ALK: variants seen among roughly 807,000 people sequenced by gnomAD.
The protein encoded by ALK is ALK tyrosine kinase receptor.
ALK carries 74 observed loss-of-function variants against 163.1 expected under a neutral mutation model. The ratio of observed to expected loss-of-function variants is 0.45; its 90% CI spans 0.38 to 0.55. ALK has a LOEUF of 0.55. Among genes scored for constraint, ALK ranks in the 20% least tolerant of loss-of-function variants. The pLI is 0.00. For synonymous variants in ALK, 960 were observed against 843.2 expected (o/e 1.14, Z -2.40); for missense variants, 2,063 against 2,105.3 (o/e 0.98, Z 0.39).
At chr2:29,472,211 C>T (rs1671363376) in intron 4 of ALK, among the ~76,000 whole-genome samples, 1 of 152,210 alleles carries the variant, frequency 6.6e-6, no homozygotes, top group South Asian at 2.1e-4. Flanking sequence ...TTGGCATCAA[C>T]CACCAGAAGT....
intron 5 of ALK, among the ~76,000 whole-genome samples, chr2:29,336,560 A>C (rs1159707806): frequency 6.6e-6 from 1 of 152,182 alleles, no homozygotes; most frequent in East Asian, 1.9e-4. Flanking sequence ...GTCAGGTTAC[A>C]TGAATTCCTG....
intron 1 of ALK, among the ~76,000 whole-genome samples, chr2:29,773,658 G>A (rs2148346021): frequency 6.6e-6 from 1 of 152,298 alleles, no homozygotes; most frequent in Middle Eastern, 3.4e-3. Flanking sequence ...TCCATCCATT[G>A]AGATGGATGA....
chr2:29,582,914 G>C (rs896433554), intron 3 of ALK, among the ~76,000 whole-genome samples: 1 of 148,586 alleles, frequency 6.7e-6, no homozygotes, highest in African/African-American at 2.5e-5. Context: ...CCACTCTGGA[G>C]TGTGGTAGTA....
At chr2:29,667,828 C>A (rs1296834523) in intron 3 of ALK, among the ~76,000 whole-genome samples, 1 of 152,062 alleles carries the variant, frequency 6.6e-6, no homozygotes, top group Non-Finnish European at 1.5e-5. Flanking sequence ...ATTCCCTCCT[C>A]TTCAATTTTT....
chr2:29,710,053 A>T (rs1366184174), intron 2 of ALK, among the ~76,000 whole-genome samples: 2 of 152,144 alleles, frequency 1.3e-5, no homozygotes, highest in Non-Finnish European at 2.9e-5. Context: ...TAATTGAATC[A>T]TGGGGGCAGG....
At chr2:29,461,970 TAGA>T (rs1671095142) in intron 4 of ALK, among the ~76,000 whole-genome samples, 1 of 152,150 alleles carries the variant, frequency 6.6e-6, no homozygotes, top group Admixed American at 6.5e-5. Flanking sequence ...GACAAGAGTT[TAGA>T]AGAAGTTGAT....
rs1881420 is a variant in ALK at position 29,193,615 on chromosome 2, T to C, written c.4472A>G (p.Lys1491Arg). 423,090 of 1,614,050 alleles carry C rather than the reference T, an allele frequency of 0.26. 66,530 individuals carry two copies. The highest frequency in any genetic ancestry group is 0.73 in the East Asian group (32,639 of 44,860). The part of the protein sequence containing the change: ...SQSNPPSELH[K>R]VHGSRNKPTS... ...GGGCTTGTTTCTGGATCCGTGGACC[T>C]TGTGCAACTCCGAAGGAGGGTTGGA... is the stretch of plus-strand genomic sequence containing the variant. Residue 1491 changes from lysine to arginine, a missense_variant, in exon 29 of 29, where the codon AAG becomes AGG. Lys to Arg is a conservative substitution (Grantham distance 26). Transcript: ENST00000389048.
At chr2:29,481,064 T>C (rs1671649289) in intron 4 of ALK, among the ~76,000 whole-genome samples, 3 of 152,184 alleles carry the variant, frequency 2.0e-5, no homozygotes, top group South Asian at 4.1e-4. Context: ...TGGGGGCCCA[T>C]GCTCCTGTGT....
At chr2:29,877,038 C>G (rs947776617) in intron 1 of ALK, among the ~76,000 whole-genome samples, 3 of 152,162 alleles carry the variant, frequency 2.0e-5, no homozygotes, top group African/African-American at 7.2e-5. Flanking sequence ...TGGAAGAGAG[C>G]TTAGAGCTAA....
chr2:29,858,408 T>C (rs1666199572), intron 1 of ALK, among the ~76,000 whole-genome samples: 1 of 151,950 alleles, frequency 6.6e-6, no homozygotes, highest in Admixed American at 6.6e-5. Context: ...TCGCACAGCA[T>C]CTCCTATGCT....
intron 5 of ALK, among the ~76,000 whole-genome samples, chr2:29,360,644 G>A (rs570819359): frequency 2.0e-5 from 3 of 152,282 alleles, no homozygotes; most frequent in African/African-American, 7.2e-5. Flanking sequence ...TCCTCAAAGA[G>A]TTGCAGTCTT....
chr2:29,859,880 C>A (rs1666235424), intron 1 of ALK, among the ~76,000 whole-genome samples: 1 of 152,160 alleles, frequency 6.6e-6, no homozygotes, highest in Non-Finnish European at 1.5e-5. Context: ...GATTGACAAT[C>A]ATGTTCCTGG....
At chr2:29,460,333 C>A (rs1280611529) in intron 4 of ALK, among the ~76,000 whole-genome samples, 2 of 152,152 alleles carry the variant, frequency 1.3e-5, no homozygotes, top group Non-Finnish European at 2.9e-5. Context: ...AATACTTGAT[C>A]ATTGTTCTAA....
chr2:29,478,496 C>CT (rs1428664460), intron 4 of ALK, among the ~76,000 whole-genome samples: 6 of 152,250 alleles, frequency 3.9e-5, no homozygotes, highest in Non-Finnish European at 8.8e-5. Context: ...TGGTGGCCTT[C>CT]TTTCCACGAC....
intron 1 of ALK, among the ~76,000 whole-genome samples, chr2:29,737,755 A>G (rs938649544): frequency 6.6e-5 from 10 of 152,056 alleles, no homozygotes; most frequent in South Asian, 2.1e-4. Flanking sequence ...ATCCTTCCCA[A>G]TCTGGTGTCT....
In ALK at chr2:29,831,244, A is replaced by G. The variant is rs1172617203; in HGVS notation, c.667+88749T>C. On this transcript the variant is annotated intron_variant, in intron 1 of 28. Coordinates refer to ENST00000389048, the MANE Select transcript of ALK (RefSeq NM_004304.5). Reference sequence around the variant, plus strand: ...AAGAGGAAGAAGAAGAGGAAGAAGAAGAGGAAGAGGAAGAGGAAGAAGAAG... The same window carrying G: ...AAGAGGAAGAAGAAGAGGAAGAAGAGGAGGAAGAGGAAGAGGAAGAAGAAG... 4.4e-5 allele frequency among the ~76,000 whole-genome samples: 3 copies of G among 68,450 alleles called. 1 individual carries two copies. The highest frequency in any genetic ancestry group is 3.9e-4 in the Admixed American group (2 of 5,138). The allele number at this position is 68,450 out of a possible 152,430, so 44.9% of individuals were successfully genotyped here.
intron 3 of ALK, among the ~76,000 whole-genome samples, chr2:29,616,656 A>G (rs1461406262): frequency 1.3e-5 from 2 of 152,198 alleles, no homozygotes; most frequent in Non-Finnish European, 2.9e-5. Context: ...AAACTTTCTA[A>G]CAGTAGGAGC....
chr2:29,285,552 C>T (rs1225487132), intron 9 of ALK, among the ~76,000 whole-genome samples: 3 of 146,998 alleles, frequency 2.0e-5, no homozygotes, highest in Non-Finnish European at 4.5e-5. Flanking sequence ...AGCCATGGTG[C>T]CTGGCCCTCA....
intron 5 of ALK, among the ~76,000 whole-genome samples, chr2:29,366,314 A>T (rs535274867): frequency 2.0e-5 from 3 of 152,172 alleles, no homozygotes; most frequent in Non-Finnish European, 4.4e-5. Context: ...CCTACCTGAG[A>T]CTTTACCAGA....
Sources: allele counts gnomAD v4.1 joint callset (sites outside exome capture counted in the v4.1 genomes callset), GRCh38; gene constraint gnomAD v4.1.1; transcripts MANE v1.5; gene names NCBI Gene and HGNC (gene_info 2026-07-23, HGNC 2026-07-21).